Variants in AMT observed in about 807,000 individuals in gnomAD.
AMT encodes the protein aminomethyltransferase.
AMT carries 24 observed loss-of-function variants against 39.5 expected under a neutral mutation model. That is an observed-to-expected ratio of 0.61 (90% CI 0.44 to 0.86). The LOEUF (loss-of-function observed/expected upper bound fraction) is 0.86. AMT is among the 40% of genes least tolerant of loss of function. The pLI is 0.00. For missense variants in AMT, 501 were observed against 537.0 expected (o/e 0.93, Z 0.66); for synonymous variants, 210 against 212.1 (o/e 0.99, Z 0.09).
At chr3:49,422,021 C>A in intron 2 of AMT, 83 bp downstream of exon 2, 2 of 1,589,128 alleles carry the variant, frequency 1.3e-6, no homozygotes, top group Non-Finnish European at 1.7e-6. Flanking sequence ...GAATCCAGTT[C>A]ACAGCAAACA....
In AMT at chr3:49,417,714, A is replaced by G. The variant is rs532787574; in HGVS notation, c.1038T>C (p.Thr346=). Residue 346 remains threonine (T), a synonymous_variant, in exon 9 of 9, where the codon ACT becomes ACC. Transcript: ENST00000273588. ...AGGGGGAGGGGCAGCCACTAGTCAC[A>G]GTACCTGTCAAGCAAGCATAAGCCA... The part of the protein sequence containing the change: ...ILNMEGTKIG[T]VTSGCPSPSL... 2.5e-6 allele frequency: 4 copies of G among 1,613,990 alleles called. No homozygotes were observed. In the African/African-American group the frequency reaches 5.3e-5, roughly 22 times the overall value.
At chr3:49,419,462 A>G in intron 5 of AMT, 57 bp from the exon 6 acceptor site, 1 of 1,597,298 alleles carries the variant, frequency 6.3e-7, no homozygotes, top group Non-Finnish European at 8.5e-7. Context: ...TCAAAGCTGG[A>G]CTAAAGCCTT....
At chr3:49,422,051 T>A in intron 2 of AMT, 53 bp downstream of exon 2, 1 of 1,611,330 alleles carries the variant, frequency 6.2e-7, no homozygotes, top group South Asian at 1.1e-5. Context: ...AGTGGACCAC[T>A]GTAAACAGGG....
rs568027863 is a variant in AMT at position 49,419,620 on chromosome 3, AC to A, written c.550+89del. On this transcript the variant is annotated intron_variant, in intron 5 of 8. Coordinates refer to ENST00000273588, the MANE Select transcript of AMT (RefSeq NM_000481.4). ...ATGGCACACAAATATCACACCTTCC[AC>A]ACATTCTTCTTGGTATGGCCTCTGT... 694 of 1,475,388 alleles carry A rather than the reference AC, an allele frequency of 4.7e-4. 16 individuals are homozygous for A. The South Asian group carries it at 6.5e-3, about 14-fold the overall frequency. 91.4% of individuals were successfully genotyped at this position (1,475,388 alleles called of 1,614,324 possible). A position where few individuals can be genotyped will look rare whatever the true frequency, so the allele number is the denominator to read the frequency against.
rs766904475 is a variant in AMT at position 49,419,343 on chromosome 3, T to C, written c.613A>G (p.Met205Val). 8.1e-6 allele frequency: 13 copies of C among 1,614,064 alleles called. No individual in the cohort carries two copies. The highest frequency in any genetic ancestry group is 1.0e-5 in the Non-Finnish European group (12 of 1,180,042). Residue 205 changes from methionine to valine, a missense_variant, in exon 6 of 9, where the codon ATG becomes GTG. Coordinates refer to ENST00000273588, the MANE Select transcript of AMT (RefSeq NM_000481.4). ...AACACCTCCATCACAGCACTGGTCATGAAGGGCAGTTTCCTCAGGTCATCT... is the reference window on the plus strand; with the variant it reads ...AACACCTCCATCACAGCACTGGTCACGAAGGGCAGTTTCCTCAGGTCATCT... The part of the protein sequence containing the change: ...VADDLRKLPF[M>V]TSAVMEVFGV...
At position 49,419,203 on chromosome 3, in the gene AMT, C is replaced by G. The variant is rs1304257140; in HGVS notation, c.697-52G>C. The G allele has an allele frequency of 3.7e-6, 6 of 1,613,838 alleles. No individual in the cohort carries two copies. In the South Asian group the frequency reaches 5.5e-5, roughly 15 times the overall value. Reference sequence around the variant, plus strand: ...GGAAGCTCCCTGTACCACATACCCCCAACCCCTCACATGCATCCTGTGCCC... The same window carrying G: ...GGAAGCTCCCTGTACCACATACCCCGAACCCCTCACATGCATCCTGTGCCC... On this transcript the variant is annotated intron_variant, in intron 6 of 8. Coordinates refer to ENST00000273588, the MANE Select transcript of AMT (RefSeq NM_000481.4).
At chr3:49,420,665 G>T in intron 3 of AMT, 1 of 380,004 alleles carries the variant, frequency 2.6e-6, no homozygotes, top group South Asian at 2.2e-5. Context: ...CCCAAACCTG[G>T]GACGACTTAG....
intron 3 of AMT, 141 bp downstream of exon 3, chr3:49,421,351 C>A: frequency 1.4e-6 from 1 of 719,686 alleles, no homozygotes; most frequent in African/African-American, 1.7e-5. Flanking sequence ...CTGGAAATGA[C>A]TCAGGGATTC....
Position 49,420,245 on chromosome 3 carries a change from G to A in AMT, c.437C>T (p.Ala146Val), listed in dbSNP as rs780994740. Residue 146 changes from alanine (A) to valine (V), a missense_variant, in exon 4 of 9, where the codon GCT (alanine) becomes GTT (valine). Physicochemically the swap from Ala to Val is moderately conservative, Grantham distance 64. Coordinates refer to ENST00000273588, the MANE Select transcript of AMT (RefSeq NM_000481.4). ...GGCCAAATCTTTCTCCCAGCAGCCA[G>A]CGTTGGACACCACATACAGGTGGCC... ...SEGHLYVVSN[A>V]GCWEKDLALM... 1.9e-6 allele frequency: 3 copies of A among 1,614,100 alleles called. No homozygotes were observed. The highest frequency in any genetic ancestry group is 2.7e-5 in the African/African-American group (2 of 74,948).
Position 49,419,068 on chromosome 3 carries a change from G to A in AMT, c.780C>T (p.Ala260=). 6.2e-7 allele frequency: 1 copy of A among 1,613,886 alleles called. No homozygotes were observed. Among genetic ancestry groups the A allele is most frequent in the South Asian group, 1.1e-5 (1 of 91,066 alleles). The change falls in exon 7 of 9, where the codon GCC becomes GCT. Residue 260 remains alanine (A), a synonymous_variant. Coordinates refer to ENST00000273588, the MANE Select transcript of AMT (RefSeq NM_000481.4). ...CTGCCTCCAGGCGCAGGCTGTCCCT[G>A]GCTGCCAGCCCTGCCAGCTTCACCT... is the stretch of plus-strand genomic sequence containing the variant. ...NPEVKLAGLA[A]RDSLRLEAGL...
At chr3:49,418,011 AGAAGCCCTGGCCAC>A in intron 7 of AMT, 38 bp from the exon 8 acceptor site, 1 of 1,577,550 alleles carries the variant, frequency 6.3e-7, no homozygotes, top group East Asian at 2.3e-5. Flanking sequence ...CACAGCCCAT[AGAAGCCCTGGCCAC>A]AGGAGGTCCT....
At chr3:49,418,494 C>CT (rs3049036) in intron 7 of AMT, 946 of 64,576 alleles carry the variant, frequency 0.015, 37 homozygotes, top group African/African-American at 0.038. Context: ...TCTTCAGTTT[C>CT]TTTTTTTTTT....
intron 2 of AMT, chr3:49,421,872 G>A (rs1228533856): frequency 1.4e-5 from 10 of 727,974 alleles, no homozygotes; most frequent in Middle Eastern, 2.4e-4. Flanking sequence ...TGGAAAACCC[G>A]GGACATTAAG....
chr3:49,418,338 A>C, intron 7 of AMT: 1 of 319,142 alleles, frequency 3.1e-6, no homozygotes, highest in Non-Finnish European at 6.0e-6. Flanking sequence ...ACCCGCCACC[A>C]CGCCTGGCTA....
chr3:49,420,904 T>C (rs894641315), intron 3 of AMT: 1 of 202,682 alleles, frequency 4.9e-6, no homozygotes, highest in Non-Finnish European at 1.0e-5. Flanking sequence ...CCTAACAAGC[T>C]CCAAAGATGC....
At chr3:49,418,183 G>GTT in intron 7 of AMT, 1 of 585,768 alleles carries the variant, frequency 1.7e-6, no homozygotes, top group Non-Finnish European at 3.0e-6. Flanking sequence ...AGCGTCTTCA[G>GTT]TTTCTTTTTT....
At position 49,419,365 on chromosome 3, in the gene AMT, A is replaced by G. The variant is rs2107932258; in HGVS notation, c.591T>C (p.Asp197=). The G allele has an allele frequency of 1.2e-6, 2 of 1,614,168 alleles. No homozygotes were observed. The highest frequency in any genetic ancestry group is 1.7e-6 in the Non-Finnish European group (2 of 1,180,028). The part of the protein sequence containing the change: ...AAQVLQAGVA[D]DLRKLPFMTS... ...TCATGAAGGGCAGTTTCCTCAGGTCATCTGCCACGCCGGCCTGTAGTACCT... is the reference window on the plus strand; with the variant it reads ...TCATGAAGGGCAGTTTCCTCAGGTCGTCTGCCACGCCGGCCTGTAGTACCT... The change falls in exon 6 of 9, where the codon GAT becomes GAC. Residue 197 remains aspartate, a synonymous_variant. Transcript: ENST00000273588.
chr3:49,422,155 G>A lies in AMT; in HGVS notation c.207C>T (p.His69=), dbSNP rs2049115533. 1 of 1,613,892 alleles carries A rather than the reference G, an allele frequency of 6.2e-7. No homozygotes were observed. Among genetic ancestry groups the A allele is most frequent in the Non-Finnish European group, 8.5e-7 (1 of 1,180,046 alleles). The change falls in exon 2 of 9, where the codon CAC becomes CAT. Residue 69 remains histidine (H), a synonymous_variant. Coordinates refer to ENST00000273588, the MANE Select transcript of AMT (RefSeq NM_000481.4). ...VQYRDSHTDS[H]LHTRQHCSLF... is the part of the protein sequence containing the mutation. ...GCGAGCAGTGCTGGCGTGTGTGCAG[G>A]TGCGAGTCAGTGTGACTGTCCCGGT...
chr3:49,419,505 T>A (rs2049062931), intron 5 of AMT, 100 bp from the exon 6 acceptor site: 3 of 1,557,812 alleles, frequency 1.9e-6, no homozygotes, highest in Non-Finnish European at 2.6e-6. Context: ...TGAGCATGTC[T>A]TACTCTGCAA....
Sources: allele counts gnomAD v4.1 joint callset, GRCh38; gene constraint gnomAD v4.1.1; transcripts MANE v1.5; gene names NCBI Gene and HGNC (gene_info 2026-07-23, HGNC 2026-07-21).